SPICE1: variants seen among roughly 807,000 people sequenced by gnomAD.
SPICE1 encodes spindle and centriole associated protein 1.
A neutral mutation model predicts 102.7 loss-of-function variants in SPICE1; 75 were observed. That is an observed-to-expected ratio of 0.73 (90% CI 0.61 to 0.88). The LOEUF (loss-of-function observed/expected upper bound fraction) is 0.88. SPICE1 is among the 40% of genes least tolerant of loss of function. The pLI is 0.00. For synonymous variants in SPICE1, 308 were observed against 350.3 expected (o/e 0.88, Z 1.35); for missense variants, 979 against 1,020.1 (o/e 0.96, Z 0.55).
rs1936804968 is a variant in SPICE1, at chr3:113,493,282, G to A, written c.416C>T (p.Ser139Phe). The A allele has an allele frequency of 1.9e-6, 3 of 1,613,788 alleles. No individual in the cohort carries two copies. Among genetic ancestry groups the A allele is most frequent in the Non-Finnish European group, 2.5e-6 (3 of 1,179,916 alleles). ...ATTTACCACAATGGGACCCTGAGAGGAATCAGGAGCCACTGTTACATTTGG... is the reference window on the plus strand; with the variant it reads ...ATTTACCACAATGGGACCCTGAGAGAAATCAGGAGCCACTGTTACATTTGG... Reference protein sequence around the residue: ...GFPNVTVAPDSSQGPIVVNQD... With the variant: ...GFPNVTVAPDFSQGPIVVNQD... Residue 139 changes from serine to phenylalanine, a missense_variant, in exon 6 of 18, where the codon TCC (serine) becomes TTC (phenylalanine). Physicochemically the swap from Ser to Phe is radical, Grantham distance 155. Coordinates refer to ENST00000295872, the MANE Select transcript of SPICE1 (RefSeq NM_144718.4).
chr3:113,496,796 G>A (rs771509980), intron 4 of SPICE1, among the ~76,000 whole-genome samples: 1 of 152,276 alleles, frequency 6.6e-6, no homozygotes, highest in Non-Finnish European at 1.5e-5. Context: ...AAACAGAGAC[G>A]TTGCAAATTT....
At chr3:113,446,279 A>G (rs1008613251) in intron 17 of SPICE1, among the ~76,000 whole-genome samples, 1 of 152,054 alleles carries the variant, frequency 6.6e-6, no homozygotes, top group African/African-American at 2.4e-5. Context: ...TAGATCTACA[A>G]CCCATTCAAG....
intron 7 of SPICE1, among the ~76,000 whole-genome samples, chr3:113,484,779 A>C (rs149687213): frequency 1.6e-3 from 239 of 152,154 alleles, no homozygotes; most frequent in African/African-American, 5.4e-3. Context: ...GCATTTGCTG[A>C]GGAGTGTTTT....
intron 13 of SPICE1, among the ~76,000 whole-genome samples, chr3:113,455,021 A>G (rs1482466844): frequency 6.6e-6 from 1 of 152,170 alleles, no homozygotes; most frequent in Non-Finnish European, 1.5e-5. Context: ...TAGTTATCTC[A>G]AAACAACTTA....
chr3:113,472,792 C>T (rs1559964850), intron 7 of SPICE1, among the ~76,000 whole-genome samples: 1 of 152,092 alleles, frequency 6.6e-6, no homozygotes, highest in Admixed American at 6.5e-5. Flanking sequence ...CTCTACATCA[C>T]CAAAAGCAAA....
chr3:113,503,041 G>T, intron 3 of SPICE1, 139 bp downstream of exon 3: 2 of 817,802 alleles, frequency 2.4e-6, no homozygotes, highest in Non-Finnish European at 3.8e-6. Flanking sequence ...TAGGCGTTTT[G>T]ATTTTATATA....
In SPICE1 at chr3:113,446,608, G is replaced by A. The variant is rs749438030; in HGVS notation, c.2495C>T (p.Pro832Leu). The A allele has an allele frequency of 1.2e-6, 2 of 1,613,366 alleles. No individual in the cohort carries two copies. The highest frequency in any genetic ancestry group is 8.5e-7 in the Non-Finnish European group (1 of 1,179,628). ...GTGTACCTTTGCTCTTGGATTAAGA[G>A]GTGTGAATCTCCCACTTCCTGAGGT... ...NATSGSGRFTPLNPRAKIEKQ... is the reference protein window; with the variant it reads ...NATSGSGRFTLLNPRAKIEKQ... The change falls in exon 17 of 18, where the codon CCT (proline) becomes CTT (leucine). Residue 832 changes from proline to leucine, a missense_variant. Physicochemically the swap from Pro to Leu is moderately conservative, Grantham distance 98. Coordinates refer to ENST00000295872, the MANE Select transcript of SPICE1 (RefSeq NM_144718.4).
At chr3:113,504,732 A>G (rs1156283311) in intron 2 of SPICE1, among the ~76,000 whole-genome samples, 1 of 152,214 alleles carries the variant, frequency 6.6e-6, no homozygotes, top group Non-Finnish European at 1.5e-5. Context: ...TAATTCCATC[A>G]ATACTAAAAC....
At position 113,468,220 on chromosome 3, in the gene SPICE1, A is replaced by T. The variant is rs1310099184; in HGVS notation, c.1074T>A (p.Gly358=). The T allele has an allele frequency of 6.2e-7, 1 of 1,614,100 alleles. No homozygotes were observed. Among genetic ancestry groups the T allele is most frequent in the South Asian group, 1.1e-5 (1 of 91,078 alleles). ...YERWTGREVK[G]LQSSQGLTGF... is the part of the protein sequence containing the mutation. ...CTGTAAGACCCTGACTGCTCTGCAG[A>T]CCCTTGACCTCGCGACCTGTCCACC... Residue 358 remains glycine (G), a synonymous_variant, in exon 10 of 18, where the codon GGT becomes GGA. Transcript: ENST00000295872.
Position 113,470,077 on chromosome 3 carries a change from T to C in SPICE1, c.612-839A>G, listed in dbSNP as rs117034664. Among the ~76,000 whole-genome samples, 61 of 152,374 alleles carry C rather than the reference T, an allele frequency of 4.0e-4. No homozygotes were observed. In the East Asian group the frequency reaches 0.012, roughly 29 times the overall value. On this transcript the variant is annotated intron_variant, in intron 7 of 17. Coordinates refer to ENST00000295872, the MANE Select transcript of SPICE1 (RefSeq NM_144718.4). Reference sequence around the variant, plus strand: ...CTAAGCGTTATGCTATAAACACTTTTATCACTGATAAGGTTGATATTTTAA... The same window carrying C: ...CTAAGCGTTATGCTATAAACACTTTCATCACTGATAAGGTTGATATTTTAA...
At chr3:113,486,862 G>GATAT (rs141247316) in intron 7 of SPICE1, among the ~76,000 whole-genome samples, 3,824 of 143,938 alleles carry the variant, frequency 0.027, 64 homozygotes, top group Middle Eastern at 0.043. Context: ...AAAATAAGGA[G>GATAT]ATATATATAT....
At chr3:113,447,460 A>G (rs987539098) in intron 16 of SPICE1, among the ~76,000 whole-genome samples, 3 of 152,220 alleles carry the variant, frequency 2.0e-5, no homozygotes, top group Non-Finnish European at 2.9e-5. Flanking sequence ...GGTTTTCACA[A>G]ATGTATAATG....
chr3:113,480,228 A>G (rs964822193), intron 7 of SPICE1, among the ~76,000 whole-genome samples: 4 of 151,994 alleles, frequency 2.6e-5, no homozygotes, highest in Non-Finnish European at 4.4e-5. Context: ...CCCCACAGAA[A>G]AAAAAAAAGC....
chr3:113,472,755 G>C (rs1412923203), intron 7 of SPICE1, among the ~76,000 whole-genome samples: 1 of 152,142 alleles, frequency 6.6e-6, no homozygotes, highest in Admixed American at 6.5e-5. Context: ...CTAGCAAACA[G>C]AAAGGACATC....
intron 1 of SPICE1, among the ~76,000 whole-genome samples, chr3:113,510,236 T>C (rs939776156): frequency 7.2e-5 from 11 of 152,188 alleles, no homozygotes; most frequent in African/African-American, 2.2e-4. Context: ...CCTATTAAAC[T>C]ACCATTAACA....
intron 17 of SPICE1, 30 bp from the exon 18 acceptor site, chr3:113,445,390 G>A: frequency 1.3e-6 from 2 of 1,597,604 alleles, no homozygotes; most frequent in Non-Finnish European, 1.7e-6. Context: ...AAAAAATTTA[G>A]ATGGTAATTA....
At chr3:113,448,401 C>G (rs1453653370) in intron 15 of SPICE1, among the ~76,000 whole-genome samples, 2 of 151,594 alleles carry the variant, frequency 1.3e-5, no homozygotes, top group African/African-American at 2.4e-5. Flanking sequence ...ATCATGTCAG[C>G]TCTGGAGGTG....
chr3:113,465,567 C>A, intron 11 of SPICE1, 86 bp downstream of exon 11: 2 of 1,262,478 alleles, frequency 1.6e-6, no homozygotes, highest in Non-Finnish European at 2.2e-6. Context: ...ACAGTTAAAC[C>A]AAAAGCAACT....
At chr3:113,482,496 T>C (rs1004625588) in intron 7 of SPICE1, among the ~76,000 whole-genome samples, 1 of 152,258 alleles carries the variant, frequency 6.6e-6, no homozygotes, top group African/African-American at 2.4e-5. Flanking sequence ...GCCTATGTCC[T>C]GAATGGTACT....
Sources: gnomAD v4.1 joint callset for allele counts (sites outside exome capture counted in the v4.1 genomes callset) on GRCh38, gnomAD v4.1.1 for gene constraint, MANE v1.5 for transcripts, NCBI Gene and HGNC (gene_info 2026-07-23, HGNC 2026-07-21) for gene names.